ABCA6: variants seen among roughly 807,000 people sequenced by gnomAD.
ABCA6 encodes ATP-binding cassette sub-family A member 6.
In ABCA6, 164 loss-of-function variants were observed where a neutral mutation model predicts 191.2. The observed-to-expected ratio is 0.86, with a 90% CI of 0.76 to 0.98. The LOEUF (loss-of-function observed/expected upper bound fraction) is 0.98, where lower values mean the gene tolerates loss of function less well. Ranked by LOEUF, ABCA6 falls within the 50% of genes least tolerant of loss-of-function variation. ABCA6 has a pLI of 0.00. For missense variants in ABCA6, 1,958 were observed against 1,894.1 expected, an observed-to-expected ratio of 1.03 and a Z score of -0.63; for synonymous variants, 636 against 647.7, an observed-to-expected ratio of 0.98 and a Z score of 0.27.
chr17:69,097,951 T>A lies in ABCA6; in HGVS notation c.3089A>T (p.Tyr1030Phe), dbSNP rs777266626. ...LFLVLCSISP[Y>F]ITMGSISDYK... Reference sequence around the variant, plus strand: ...ATCACTGATGCTGCCCATGGTGATATAAGGAGAAATGCTACATAGAACCAA... The same window carrying A: ...ATCACTGATGCTGCCCATGGTGATAAAAGGAGAAATGCTACATAGAACCAA... Residue 1030 changes from tyrosine (Y) to phenylalanine (F), a missense_variant, in exon 23 of 39, where the codon TAT becomes TTT. Transcript: ENST00000284425. The A allele has an allele frequency of 3.7e-6, 6 of 1,610,304 alleles. No individual in the cohort carries two copies. In the East Asian group the frequency reaches 1.3e-4, roughly 36 times the overall value.
chr17:69,118,078 TA>T (rs2073570231), intron 10 of ABCA6, 122 bp from the exon 11 acceptor site: 1 of 619,896 alleles, frequency 1.6e-6, no homozygotes, highest in African/African-American at 1.9e-5. Flanking sequence ...AGGGATGGCA[TA>T]AACAGTCTAT....
At chr17:69,127,301 C>A (rs1023653660) in intron 8 of ABCA6, among the ~76,000 whole-genome samples, 2 of 151,940 alleles carry the variant, frequency 1.3e-5, no homozygotes, top group Admixed American at 6.6e-5. Context: ...AAAAATTGGA[C>A]CTTATCAAAA....
At chr17:69,139,289 T>C (rs1033319149) in intron 2 of ABCA6, among the ~76,000 whole-genome samples, 3 of 151,980 alleles carry the variant, frequency 2.0e-5, no homozygotes, top group Non-Finnish European at 2.9e-5. Flanking sequence ...GGGCAAAGGA[T>C]ATGAAAAGAC....
Position 69,096,902 on chromosome 17 carries a change from ATAATC to A in ABCA6, c.3121-106_3121-102del, listed in dbSNP as rs769624740. On this transcript the variant is annotated intron_variant, in intron 23 of 38. Transcript: ENST00000284425. ...CATTGGAAGAATTTTTAAGATAAATATAATCTAATCTTCTAATATTAAAAAAAATT... is the reference window on the plus strand; with the variant it reads ...CATTGGAAGAATTTTTAAGATAAATATAATCTTCTAATATTAAAAAAAATT... 5 of 1,032,998 alleles carry A rather than the reference ATAATC, an allele frequency of 4.8e-6. 1 individual carries two copies. The highest frequency in any genetic ancestry group is 7.3e-5 in the Admixed American group (2 of 27,410). The allele number at this position is 1,032,998 out of a possible 1,614,324, so 64.0% of individuals were successfully genotyped here.
chr17:69,100,677 G>C, intron 22 of ABCA6, 120 bp downstream of exon 22: 2 of 1,112,414 alleles, frequency 1.8e-6, no homozygotes, highest in Non-Finnish European at 2.4e-6. Context: ...GAAAATATTA[G>C]GATAAAATAA....
At chr17:69,085,217 G>A (rs372819223) in intron 31 of ABCA6, 35 bp from the exon 32 acceptor site, 195 of 1,571,048 alleles carry the variant, frequency 1.2e-4, no homozygotes, top group Non-Finnish European at 1.6e-4. Context: ...AAGGCATGCA[G>A]CCTTTATTCC....
chr17:69,125,659 A>G (rs2073737820), intron 8 of ABCA6, among the ~76,000 whole-genome samples: 1 of 152,122 alleles, frequency 6.6e-6, no homozygotes, highest in African/African-American at 2.4e-5. Flanking sequence ...TAGAACAAAG[A>G]AAGTCTTACT....
rs866619331 is a variant in ABCA6 at position 69,113,285 on chromosome 17, G to A, written c.1978C>T (p.Arg660Cys). 13 of 1,602,194 alleles carry A rather than the reference G, an allele frequency of 8.1e-6. No individual in the cohort carries two copies. Among genetic ancestry groups the A allele is most frequent in the African/African-American group, 4.1e-5 (3 of 73,886 alleles). The part of the protein sequence containing the change: ...RDQVWSLLRE[R>C]RADHVILFST... ...AAAAGGATCACATGATCTGCTCTAC[G>A]CTCTCTCAGGAGGCTCCACACTTGA... is the stretch of plus-strand genomic sequence containing the variant. Residue 660 changes from arginine (R) to cysteine (C), a missense_variant, in exon 15 of 39, where the codon CGT becomes TGT. Coordinates refer to ENST00000284425, the MANE Select transcript of ABCA6 (RefSeq NM_080284.3).
At chr17:69,136,824 A>G (rs1011092684) in intron 3 of ABCA6, among the ~76,000 whole-genome samples, 2 of 152,288 alleles carry the variant, frequency 1.3e-5, no homozygotes, top group Middle Eastern at 3.4e-3. Flanking sequence ...ACTTTTAAAG[A>G]TGTTTACTGA....
intron 17 of ABCA6, 24 bp from the exon 18 acceptor site, chr17:69,107,836 A>T (rs752592199): frequency 6.4e-6 from 9 of 1,406,262 alleles, no homozygotes; most frequent in Non-Finnish European, 9.0e-6. Flanking sequence ...ATATGAATAG[A>T]TACTTTGGAA....
chr17:69,122,742 A>C (rs1014072520), intron 10 of ABCA6, among the ~76,000 whole-genome samples: 1 of 152,002 alleles, frequency 6.6e-6, no homozygotes, highest in Non-Finnish European at 1.5e-5. Context: ...GGGGGACAAG[A>C]TGAAGTGTGG....
At chr17:69,087,640 A>G in intron 28 of ABCA6, 167 bp from the exon 29 acceptor site, 1 of 825,814 alleles carries the variant, frequency 1.2e-6, no homozygotes, top group Non-Finnish European at 1.9e-6. Context: ...CTCCTGTCCC[A>G]CTAGCCAGAA....
chr17:69,096,719 A>T lies in ABCA6; in HGVS notation c.3203T>A (p.Phe1068Tyr). 1 of 1,592,256 alleles carries T rather than the reference A, an allele frequency of 6.3e-7. No individual in the cohort carries two copies. The highest frequency in any genetic ancestry group is 8.5e-7 in the Non-Finnish European group (1 of 1,171,282). The stretch of plus-strand genomic sequence containing the variant: ...CATTAAAAGGAGAATTAAAATGAAG[A>T]AGCTGACGTCCACTAGTGCCTGCCC... The part of the protein sequence containing the change: ...WCGQALVDVS[F>Y]FILILLLMYL... The change falls in exon 24 of 39, where the codon TTC becomes TAC. Residue 1068 changes from phenylalanine to tyrosine, a missense_variant. Coordinates refer to ENST00000284425, the MANE Select transcript of ABCA6 (RefSeq NM_080284.3).
rs1032698625 is a variant in ABCA6 at position 69,129,627 on chromosome 17, A to T, written c.916T>A (p.Leu306Ile). The T allele has an allele frequency of 6.3e-7, 1 of 1,595,372 alleles. No individual in the cohort carries two copies. The highest frequency in any genetic ancestry group is 8.5e-7 in the Non-Finnish European group (1 of 1,171,002). ...GFMVIFILFF[L>I]YGLSLVALVF... ...CAACTTACCAAAGATAAGCCATATA[A>T]AAAAAAGAGTATAAATATGACCATG... The change falls in exon 7 of 39, where the codon TTA becomes ATA. Residue 306 changes from leucine to isoleucine, a missense_variant. Physicochemically the swap from Leu to Ile is conservative, Grantham distance 5 (BLOSUM62 2). Transcript: ENST00000284425.
At chr17:69,099,268 A>G (rs2073122236) in intron 22 of ABCA6, among the ~76,000 whole-genome samples, 1 of 152,106 alleles carries the variant, frequency 6.6e-6, no homozygotes, top group African/African-American at 2.4e-5. Context: ...AAATAATTCC[A>G]CAATTATTTA....
chr17:69,087,292 C>T, intron 29 of ABCA6, 61 bp downstream of exon 29: 1 of 1,583,092 alleles, frequency 6.3e-7, no homozygotes, highest in Non-Finnish European at 8.6e-7. Flanking sequence ...TGTATCAAAT[C>T]CTGCTCTTGA....
At chr17:69,109,507 T>G (rs996299908) in intron 17 of ABCA6, 1 of 152,212 alleles carries the variant, frequency 6.6e-6, no homozygotes, top group Non-Finnish European at 1.5e-5. Context: ...AAATAGTACA[T>G]GCACAATTAA....
intron 15 of ABCA6, chr17:69,113,009 G>T: frequency 2.6e-6 from 1 of 388,818 alleles, no homozygotes; most frequent in African/African-American, 2.1e-5. Flanking sequence ...AAAAAAAAAA[G>T]GTAATCAGAA....
chr17:69,091,301 C>G, intron 25 of ABCA6, 39 bp from the exon 26 acceptor site: 1 of 1,598,422 alleles, frequency 6.3e-7, no homozygotes, highest in Non-Finnish European at 8.5e-7. Flanking sequence ...CAGACATACT[C>G]AACCCATTGA....
Sources: allele counts gnomAD v4.1 joint callset (sites outside exome capture counted in the v4.1 genomes callset), GRCh38; gene constraint gnomAD v4.1.1; transcripts MANE v1.5; gene names NCBI Gene and HGNC (gene_info 2026-07-23, HGNC 2026-07-21).